The following ITPR1 variants were observed in gnomAD, a reference collection of about 807,000 sequenced individuals.
The protein encoded by ITPR1 is inositol 1,4,5-trisphosphate receptor type 1, also known as inositol 1,4,5-trisphosphate-gated calcium channel ITPR1.
In ITPR1, 96 loss-of-function variants were observed where a neutral mutation model predicts 318.4. The observed-to-expected ratio is 0.30, with a 90% CI of 0.26 to 0.36. ITPR1 has a LOEUF of 0.36. Among genes scored for constraint, ITPR1 ranks in the 10% least tolerant of loss-of-function variants. The pLI is 1.00. For missense variants in ITPR1, 2,440 were observed against 3,460.2 expected (o/e 0.71, Z 7.40); for synonymous variants, 1,312 against 1,289.9 (o/e 1.02, Z -0.37).
At chr3:4,574,377 G>A (rs6442887) in intron 4 of ITPR1, among the ~76,000 whole-genome samples, 95,811 of 152,114 alleles carry the variant, frequency 0.63, 33,017 homozygotes, top group Non-Finnish European at 0.79. Context: ...AATGAATGCC[G>A]GAAATGGATT....
chr3:4,678,355 A>C (rs1470730048), intron 24 of ITPR1, among the ~76,000 whole-genome samples: 1 of 152,094 alleles, frequency 6.6e-6, no homozygotes, highest in Non-Finnish European at 1.5e-5. Context: ...TTTGCAGGCC[A>C]TGGTCCATGT....
chr3:4,709,353 T>C (rs910720234), intron 37 of ITPR1, among the ~76,000 whole-genome samples: 2 of 152,252 alleles, frequency 1.3e-5, no homozygotes, highest in African/African-American at 2.4e-5. Flanking sequence ...TCACCCAAAT[T>C]GTGTTAAATC....
At chr3:4,614,923 C>G (rs187693071) in intron 4 of ITPR1, among the ~76,000 whole-genome samples, 1 of 152,140 alleles carries the variant, frequency 6.6e-6, no homozygotes, top group African/African-American at 2.4e-5. Flanking sequence ...AGCACAATGC[C>G]TTATCACTCT....
chr3:4,658,140 A>T lies in ITPR1; in HGVS notation c.1013A>T (p.Asp338Val). 6.2e-7 allele frequency: 1 copy of T among 1,612,826 alleles called. No homozygotes were observed. The highest frequency in any genetic ancestry group is 1.1e-5 in the South Asian group (1 of 90,928). Reference protein sequence around the residue: ...EFQPSVDPDQDASRSRLRNAQ... With the variant: ...EFQPSVDPDQVASRSRLRNAQ... The stretch of plus-strand genomic sequence containing the variant: ...CCTCCTCAGGTGGACCCTGATCAGG[A>T]CGCCTCTCGAAGTAGGTTGCGGAAT... The change falls in exon 13 of 62, where the codon GAC becomes GTC. Residue 338 changes from aspartate to valine, a missense_variant. This residue lies in a region of ITPR1 where 101 missense variants were observed against 119.6 expected (regional missense o/e 0.84). Transcript: ENST00000649015.
chr3:4,539,655 G>A (rs928287102), intron 4 of ITPR1, among the ~76,000 whole-genome samples: 3 of 152,112 alleles, frequency 2.0e-5, no homozygotes, highest in Non-Finnish European at 2.9e-5. Context: ...TGAGAAGTGG[G>A]GCCTTTAAGA....
chr3:4,575,696 A>C (rs2088573074), intron 4 of ITPR1, among the ~76,000 whole-genome samples: 1 of 152,010 alleles, frequency 6.6e-6, no homozygotes, highest in African/African-American at 2.4e-5. Context: ...ATGGCTAAAA[A>C]AAGTTGATGT....
chr3:4,494,015 G>A (rs1381859019), intron 1 of ITPR1, among the ~76,000 whole-genome samples: 1 of 152,056 alleles, frequency 6.6e-6, no homozygotes, highest in African/African-American at 2.4e-5. Context: ...CATGTGTAGG[G>A]GCCCCCCGTG....
chr3:4,656,487 G>A (rs1482703090), intron 12 of ITPR1, among the ~76,000 whole-genome samples: 1 of 152,172 alleles, frequency 6.6e-6, no homozygotes, highest in Non-Finnish European at 1.5e-5. Flanking sequence ...TAGAATAAAG[G>A]GTCTGGGGTT....
intron 2 of ITPR1, among the ~76,000 whole-genome samples, chr3:4,514,956 C>T (rs374970861): frequency 4.6e-5 from 7 of 152,226 alleles, no homozygotes; most frequent in East Asian, 3.9e-4. Flanking sequence ...CTTGGCAAAC[C>T]GTCCTTCTGT....
intron 53 of ITPR1, among the ~76,000 whole-genome samples, chr3:4,798,131 C>T (rs1295205570): frequency 6.6e-6 from 1 of 152,116 alleles, no homozygotes; most frequent in Admixed American, 6.6e-5. Context: ...TCTTAAGAGT[C>T]CATTTAAAAT....
At chr3:4,799,895 A>C (rs1316475054) in intron 53 of ITPR1, 2 of 152,524 alleles carry the variant, frequency 1.3e-5, no homozygotes, top group Non-Finnish European at 2.9e-5. Flanking sequence ...GCATACTTTT[A>C]ATAGAAATTA....
chr3:4,811,513 A>G, intron 56 of ITPR1, 53 bp downstream of exon 56: 2 of 1,440,372 alleles, frequency 1.4e-6, no homozygotes, highest in Non-Finnish European at 1.9e-6. Context: ...TTTCCTGATT[A>G]TAACTGAACT....
intron 4 of ITPR1, among the ~76,000 whole-genome samples, chr3:4,544,278 A>T (rs139192163): frequency 6.6e-6 from 1 of 152,186 alleles, no homozygotes; most frequent in Non-Finnish European, 1.5e-5. Context: ...ACATTGAGGA[A>T]TCCAAGTGAT....
At position 4,818,261 on chromosome 3, in the gene ITPR1, T is replaced by C. The variant is rs1201257418; in HGVS notation, c.8028+19T>C. ...GATCAAGGTGAGTGGAAAGGCCTCC[T>C]GGGAGCAAGGTGGACTTGGGGCCTA... On this transcript the variant is annotated intron_variant, in intron 60 of 61. Transcript: ENST00000649015. The C allele has an allele frequency of 1.3e-6, 2 of 1,551,810 alleles. No homozygotes were observed. The highest frequency in any genetic ancestry group is 1.4e-5 in the African/African-American group (1 of 74,022).
At chr3:4,775,061 A>G (rs558781314) in intron 46 of ITPR1, among the ~76,000 whole-genome samples, 181 bp from the exon 47 acceptor site, 1 of 152,300 alleles carries the variant, frequency 6.6e-6, no homozygotes, top group Admixed American at 6.5e-5. Flanking sequence ...ATTGCCATAC[A>G]CCAAGTCCAT....
intron 4 of ITPR1, among the ~76,000 whole-genome samples, chr3:4,558,081 A>C (rs2086312034): frequency 6.6e-6 from 1 of 152,214 alleles, no homozygotes; most frequent in African/African-American, 2.4e-5. Flanking sequence ...TTCTCAATTC[A>C]GTTTAAAAAA....
At chr3:4,703,060 A>C in intron 36 of ITPR1, 110 bp downstream of exon 36, 1 of 1,240,992 alleles carries the variant, frequency 8.1e-7, no homozygotes, top group Non-Finnish European at 1.1e-6. Flanking sequence ...TTACACAGAC[A>C]GGAAGTTTCA....
intron 4 of ITPR1, among the ~76,000 whole-genome samples, chr3:4,622,046 G>C (rs2092655262): frequency 6.6e-6 from 1 of 151,520 alleles, no homozygotes; most frequent in Non-Finnish European, 1.5e-5. Flanking sequence ...TGTGGTAACA[G>C]ACTTGTGCAA....
intron 54 of ITPR1, among the ~76,000 whole-genome samples, 159 bp from the exon 55 acceptor site, chr3:4,805,944 T>C (rs2048524813): frequency 6.6e-6 from 1 of 152,238 alleles, no homozygotes; most frequent in African/African-American, 2.4e-5. Flanking sequence ...GACTTAGATC[T>C]GCAAATGGGT....
Sources: allele counts gnomAD v4.1 joint callset (sites outside exome capture counted in the v4.1 genomes callset), GRCh38; gene constraint gnomAD v4.1.1; regional missense constraint gnomAD v4.1.1; transcripts MANE v1.5; gene names NCBI Gene and HGNC (gene_info 2026-07-23, HGNC 2026-07-21).